The following VWA3B variants were observed in gnomAD, a reference collection of about 807,000 sequenced individuals.
The protein encoded by VWA3B is von Willebrand factor A domain containing 3B, also known as von Willebrand factor A domain-containing protein 3B.
In VWA3B, 138 loss-of-function variants were observed where a neutral mutation model predicts 158.3. That is an observed-to-expected ratio of 0.87 (90% CI 0.76 to 1.00). VWA3B has a LOEUF of 1.00. Ranked by LOEUF, VWA3B falls within the 50% of genes least tolerant of loss-of-function variation. The pLI is 0.00. For missense variants in VWA3B, 1,555 were observed against 1,565.1 expected, an observed-to-expected ratio of 0.99 and a Z score of 0.11; for synonymous variants, 596 against 587.3, an observed-to-expected ratio of 1.01 and a Z score of -0.21.
chr2:98,302,694 G>T (rs752492893), intron 25 of VWA3B, among the ~76,000 whole-genome samples: 20 of 152,168 alleles, frequency 1.3e-4, no homozygotes, highest in Non-Finnish European at 4.4e-5. Flanking sequence ...CACACACCTG[G>T]TGTGTTGAGT....
At chr2:98,253,325 G>A (rs1158027682) in intron 20 of VWA3B, among the ~76,000 whole-genome samples, 1 of 152,104 alleles carries the variant, frequency 6.6e-6, no homozygotes, top group Admixed American at 6.5e-5. Context: ...TATGTTTAAG[G>A]ATGACCAGGC....
chr2:98,135,445 C>T (rs1458043746), intron 7 of VWA3B, among the ~76,000 whole-genome samples: 8 of 143,900 alleles, frequency 5.6e-5, no homozygotes, highest in Admixed American at 5.0e-4. Context: ...ACGCCATTCT[C>T]CTGCCTCAGC....
chr2:98,145,936 T>C (rs553700279), intron 7 of VWA3B, among the ~76,000 whole-genome samples: 1 of 152,270 alleles, frequency 6.6e-6, no homozygotes, highest in South Asian at 2.1e-4. Flanking sequence ...GATCTCGCTA[T>C]GTTTTCCAGG....
intron 27 of VWA3B, 22 bp from the exon 28 acceptor site, chr2:98,312,178 A>G: frequency 6.2e-7 from 1 of 1,614,092 alleles, no homozygotes; most frequent in Non-Finnish European, 8.5e-7. Flanking sequence ...TCCTTAAGTA[A>G]TGCTGAACTC....
At chr2:98,266,575 C>G (rs1687847375) in intron 21 of VWA3B, among the ~76,000 whole-genome samples, 1 of 143,840 alleles carries the variant, frequency 7.0e-6, no homozygotes, top group South Asian at 2.3e-4. Flanking sequence ...TTTTCCAATT[C>G]TGTGAAGAAA....
At chr2:98,307,545 T>C (rs1690602188) in intron 26 of VWA3B, among the ~76,000 whole-genome samples, 1 of 152,238 alleles carries the variant, frequency 6.6e-6, no homozygotes, top group Non-Finnish European at 1.5e-5. Context: ...TTAAACTAAA[T>C]TGTGAGAGCT....
intron 6 of VWA3B, among the ~76,000 whole-genome samples, chr2:98,131,437 C>T (rs372281885): frequency 2.9e-4 from 44 of 152,076 alleles, no homozygotes; most frequent in African/African-American, 9.4e-4. Context: ...TTTGATATGC[C>T]GACTTCCTTT....
intron 8 of VWA3B, among the ~76,000 whole-genome samples, chr2:98,176,004 A>ACGAG (rs1243625141): frequency 1.3e-5 from 2 of 152,174 alleles, no homozygotes; most frequent in Non-Finnish European, 2.9e-5. Flanking sequence ...CTGCTCAGAG[A>ACGAG]CGAGCTTCTC....
At chr2:98,199,384 C>CT (rs1263526519) in intron 12 of VWA3B, among the ~76,000 whole-genome samples, 4 of 152,138 alleles carry the variant, frequency 2.6e-5, no homozygotes, top group Admixed American at 2.6e-4. Flanking sequence ...TTTTACCTTT[C>CT]TTGCAAACTA....
chr2:98,121,899 G>A (rs1399229406), intron 5 of VWA3B: 1 of 157,942 alleles, frequency 6.3e-6, no homozygotes, highest in East Asian at 1.8e-4. Flanking sequence ...CCCTGAGGAT[G>A]AGGAAATAAG....
chr2:98,215,303 T>C (rs1464907654), intron 13 of VWA3B, among the ~76,000 whole-genome samples: 1 of 151,442 alleles, frequency 6.6e-6, no homozygotes, highest in Admixed American at 6.6e-5. Flanking sequence ...TAGCTGGGCC[T>C]GGTGGCGTGC....
At chr2:98,111,378 G>A (rs1207542163) in intron 2 of VWA3B, among the ~76,000 whole-genome samples, 1 of 152,082 alleles carries the variant, frequency 6.6e-6, no homozygotes, top group Non-Finnish European at 1.5e-5. Context: ...TATAAGGGCA[G>A]GTGTCTTTTT....
chr2:98,277,497 ACCCATAACCTT>A, intron 22 of VWA3B, among the ~76,000 whole-genome samples: 1 of 152,220 alleles, frequency 6.6e-6, no homozygotes, highest in Non-Finnish European at 1.5e-5. Context: ...AGGCTCTCTC[ACCCATAACCTT>A]GACTGCTTTG....
intron 9 of VWA3B, among the ~76,000 whole-genome samples, chr2:98,186,463 T>A (rs1681067183): frequency 6.6e-6 from 1 of 152,100 alleles, no homozygotes; most frequent in African/African-American, 2.4e-5. Context: ...AATAGGCACC[T>A]TGAACCTGAT....
intron 2 of VWA3B, among the ~76,000 whole-genome samples, chr2:98,113,362 A>G (rs1037016789): frequency 1.3e-5 from 2 of 152,118 alleles, no homozygotes; most frequent in African/African-American, 4.8e-5. Context: ...CAGAACCCAC[A>G]TATATGAAAA....
intron 2 of VWA3B, among the ~76,000 whole-genome samples, chr2:98,105,910 T>C (rs1424868054): frequency 6.6e-6 from 1 of 151,972 alleles, no homozygotes; most frequent in Non-Finnish European, 1.5e-5. Flanking sequence ...ATTTATTTAT[T>C]TATTTATTTG....
Position 98,119,657 on chromosome 2 carries a change from C to G in VWA3B, c.436C>G (p.Leu146Val). ...VILEQCVTIV[L>V]DFGGILEGEL... is the part of the protein sequence containing the mutation. ...CTTGGAACAGTGCGTCACCATAGTG[C>G]TGGATTTTGGCGGCATTCTGGAGGG... is the stretch of plus-strand genomic sequence containing the variant. The change falls in exon 4 of 28, where the codon CTG becomes GTG. Residue 146 changes from leucine to valine, a missense_variant. By Grantham distance (32) the Leu-to-Val change is conservative (BLOSUM62 1). Transcript: ENST00000477737. 21 of 1,614,026 alleles carry G rather than the reference C, an allele frequency of 1.3e-5. No homozygotes were observed. Among genetic ancestry groups the G allele is most frequent in the Non-Finnish European group, 1.8e-5 (21 of 1,180,030 alleles).
intron 23 of VWA3B, among the ~76,000 whole-genome samples, chr2:98,296,623 C>T (rs953553497): frequency 3.3e-5 from 5 of 152,254 alleles, no homozygotes; most frequent in East Asian, 1.9e-4. Context: ...TTAGCAGGCA[C>T]GTGAGCCAGG....
chr2:98,234,831 A>C (rs1266550154), intron 17 of VWA3B, 64 bp downstream of exon 17: 1 of 1,605,436 alleles, frequency 6.2e-7, no homozygotes, highest in East Asian at 2.2e-5. Flanking sequence ...TGTTCCAGAA[A>C]GAGCTGCGTG....
Sources: gnomAD v4.1 joint callset for allele counts (sites outside exome capture counted in the v4.1 genomes callset) on GRCh38, gnomAD v4.1.1 for gene constraint, MANE v1.5 for transcripts, NCBI Gene and HGNC (gene_info 2026-07-23, HGNC 2026-07-21) for gene names.